MYO5B: variants seen among roughly 807,000 people sequenced by gnomAD.
MYO5B encodes the protein myosin VB.
A neutral mutation model predicts 229.3 loss-of-function variants in MYO5B; 143 were observed. The observed-to-expected ratio is 0.62, with a 90% confidence interval of 0.54 to 0.72. The LOEUF (loss-of-function observed/expected upper bound fraction) is 0.72, where lower values mean the gene tolerates loss of function less well. MYO5B is among the 30% of genes least tolerant of loss of function. The probability of loss-of-function intolerance (pLI) is 0.00; values close to 1 mark genes in which losing one functional copy is unlikely to be tolerated. For synonymous variants in MYO5B, 918 were observed against 885.2 expected (o/e 1.04, Z -0.66); for missense variants, 2,321 against 2,331.0 (o/e 1.00, Z 0.09).
intron 34 of MYO5B, among the ~76,000 whole-genome samples, chr18:49,842,086 C>T (rs533668745): frequency 5.6e-5 from 8 of 143,108 alleles, no homozygotes; most frequent in East Asian, 2.0e-4. Flanking sequence ...GTATGAGGTA[C>T]GACCAAAAGA....
chr18:50,151,490 G>T (rs947084310), intron 1 of MYO5B, among the ~76,000 whole-genome samples: 1 of 152,156 alleles, frequency 6.6e-6, no homozygotes, highest in Admixed American at 6.5e-5. Context: ...AGCCTTCTTG[G>T]ATAGGGGTGG....
At chr18:49,880,851 A>C (rs888147813) in intron 22 of MYO5B, among the ~76,000 whole-genome samples, 1 of 152,232 alleles carries the variant, frequency 6.6e-6, no homozygotes, top group Non-Finnish European at 1.5e-5. Context: ...GGATGTGGGC[A>C]AACTCACATC....
chr18:49,917,104 C>T (rs2025025145), intron 17 of MYO5B, among the ~76,000 whole-genome samples: 1 of 152,154 alleles, frequency 6.6e-6, no homozygotes, highest in Non-Finnish European at 1.5e-5. Context: ...TTAGCTATTT[C>T]CGAGTCCACT....
At chr18:50,143,402 C>T (rs2032447948) in intron 1 of MYO5B, among the ~76,000 whole-genome samples, 1 of 152,180 alleles carries the variant, frequency 6.6e-6, no homozygotes, top group South Asian at 2.1e-4. Flanking sequence ...CCCTCAGTTA[C>T]TAAGAGCAGA....
At chr18:50,118,214 G>C (rs551103075) in intron 1 of MYO5B, among the ~76,000 whole-genome samples, 1 of 152,236 alleles carries the variant, frequency 6.6e-6, no homozygotes, top group South Asian at 2.1e-4. Context: ...AACTTCCCTG[G>C]CTCAGCAACA....
chr18:49,866,235 ATTT>A (rs1388373185), intron 27 of MYO5B, among the ~76,000 whole-genome samples: 1 of 144,594 alleles, frequency 6.9e-6, no homozygotes, highest in African/African-American at 2.5e-5. Context: ...CGCCTGGCTA[ATTT>A]TTTTTTTTTT....
intron 1 of MYO5B, among the ~76,000 whole-genome samples, chr18:50,122,460 A>AAAAAAAAAAAAT (rs2032075665): frequency 6.7e-6 from 1 of 148,450 alleles, no homozygotes; most frequent in East Asian, 2.0e-4. Flanking sequence ...AAAAAAAAAA[A>AAAAAAAAAAAAT]ATCAGCCAGG....
chr18:49,895,228 G>C (rs2024765019), intron 21 of MYO5B, 54 bp from the exon 22 acceptor site: 1 of 1,472,534 alleles, frequency 6.8e-7, no homozygotes, highest in Non-Finnish European at 9.5e-7. Context: ...GGGAAGAAAA[G>C]GTTATTTTAC....
At chr18:49,925,397 C>T (rs2015121541) in intron 17 of MYO5B, among the ~76,000 whole-genome samples, 2 of 152,236 alleles carry the variant, frequency 1.3e-5, no homozygotes, top group Non-Finnish European at 2.9e-5. Flanking sequence ...TTATGTCTCT[C>T]TAAAATGTAT....
At chr18:49,839,473 T>C (rs535583413) in intron 35 of MYO5B, 179 bp from the exon 36 acceptor site, 2 of 684,288 alleles carry the variant, frequency 2.9e-6, no homozygotes, top group East Asian at 5.5e-5. Context: ...TGATGACCCT[T>C]GAACTTGAAG....
intron 39 of MYO5B, among the ~76,000 whole-genome samples, chr18:49,834,975 A>G (rs1383365937): frequency 6.6e-6 from 1 of 152,162 alleles, no homozygotes; most frequent in African/African-American, 2.4e-5. Flanking sequence ...AAGAGCTCAA[A>G]TTGCTTTCTT....
intron 12 of MYO5B, among the ~76,000 whole-genome samples, chr18:49,960,811 C>G (rs558946034): frequency 1.3e-5 from 2 of 152,328 alleles, no homozygotes; most frequent in East Asian, 3.9e-4. Flanking sequence ...CCCAGGCTTT[C>G]CACAAACCTG....
intron 34 of MYO5B, among the ~76,000 whole-genome samples, chr18:49,842,858 C>T (rs1293334288): frequency 6.6e-6 from 1 of 152,214 alleles, no homozygotes; most frequent in African/African-American, 2.4e-5. Context: ...GGAGAGGGCC[C>T]ATGTTTCAGG....
In MYO5B at chr18:49,984,778, T is replaced by A. The variant is rs79714279; in HGVS notation, c.886A>T (p.Ile296Phe). The A allele has an allele frequency of 5.0e-6, 8 of 1,613,988 alleles. No individual in the cohort carries two copies. Among genetic ancestry groups the A allele is most frequent in the African/African-American group, 1.3e-5 (1 of 75,040 alleles). ...TCCTCAGCATCGTCCACACCCTCGA[T>A]GGAAGTGTCTCCTCCCTGTGATGTA... The part of the protein sequence containing the change: ...FYTSQGGDTS[I>F]EGVDDAEDFE... The change falls in exon 8 of 40, where the codon ATC becomes TTC. Residue 296 changes from isoleucine (I) to phenylalanine (F), a missense_variant. Physicochemically the swap from Ile to Phe is conservative, Grantham distance 21. Coordinates refer to ENST00000285039, the MANE Select transcript of MYO5B (RefSeq NM_001080467.3).
intron 2 of MYO5B, among the ~76,000 whole-genome samples, chr18:50,049,148 G>A (rs1344731716): frequency 6.6e-6 from 1 of 151,996 alleles, no homozygotes; most frequent in Non-Finnish European, 1.5e-5. Context: ...ACAGATTCTT[G>A]AAATTAAGTT....
intron 1 of MYO5B, among the ~76,000 whole-genome samples, chr18:50,115,310 T>C (rs1477082785): frequency 6.6e-6 from 1 of 152,234 alleles, no homozygotes; most frequent in Non-Finnish European, 1.5e-5. Flanking sequence ...CAGACAGCAG[T>C]GAGCCCTTGG....
chr18:50,149,621 T>A (rs2032562258), intron 1 of MYO5B, among the ~76,000 whole-genome samples: 4 of 148,852 alleles, frequency 2.7e-5, no homozygotes, highest in East Asian at 2.0e-4. Context: ...CTGGGAAAAC[T>A]GGCTAGCCAT....
intron 24 of MYO5B, among the ~76,000 whole-genome samples, chr18:49,878,330 ACT>A (rs2024549346): frequency 1.3e-5 from 2 of 151,450 alleles, no homozygotes; most frequent in Admixed American, 1.3e-4. Flanking sequence ...ATTTAAAAAT[ACT>A]TTTTTTTTTC....
chr18:49,950,455 T>A (rs1171045828), intron 14 of MYO5B, among the ~76,000 whole-genome samples: 1 of 152,180 alleles, frequency 6.6e-6, no homozygotes, highest in East Asian at 1.9e-4. Flanking sequence ...CAGACATAAT[T>A]GTACAGAAGT....
Sources: allele counts gnomAD v4.1 joint callset (sites outside exome capture counted in the v4.1 genomes callset), GRCh38; gene constraint gnomAD v4.1.1; transcripts MANE v1.5; gene names NCBI Gene and HGNC (gene_info 2026-07-23, HGNC 2026-07-21).